SEMA4B: variants seen among roughly 807,000 people sequenced by gnomAD.
The protein encoded by SEMA4B is semaphorin-4B.
In SEMA4B, 55 loss-of-function variants were observed where a neutral mutation model predicts 88.1. The observed-to-expected ratio is 0.62, with a 90% CI of 0.50 to 0.78. The LOEUF (loss-of-function observed/expected upper bound fraction) is 0.78, where lower values mean the gene tolerates loss of function less well. Among genes scored for constraint, SEMA4B ranks in the 30% least tolerant of loss-of-function variants. SEMA4B has a pLI of 0.00. For missense variants in SEMA4B, 1,062 were observed against 1,111.9 expected, an observed-to-expected ratio of 0.96 and a Z score of 0.64; for synonymous variants, 525 against 473.6, an observed-to-expected ratio of 1.11 and a Z score of -1.41.
In SEMA4B at chr15:90,229,373, C is replaced by T; in HGVS notation, c.*730C>T. On this transcript the variant is annotated 3_prime_UTR_variant, in exon 14 of 14. Coordinates refer to ENST00000411539, the MANE Select transcript of SEMA4B (RefSeq NM_198925.4). The stretch of plus-strand genomic sequence containing the variant: ...CAATGTACGCCTTTCCCTCAGAATT[C>T]AGGGAAGAGACTGTCGCCTGCCTTC... 1 of 456,776 alleles carries T rather than the reference C, an allele frequency of 2.2e-6. No homozygotes were observed. Among genetic ancestry groups the T allele is most frequent in the Non-Finnish European group, 4.4e-6 (1 of 226,988 alleles). The allele number at this position is 456,776 out of a possible 1,614,324, so 28.3% of individuals were successfully genotyped here.
chr15:90,221,188 C>A, intron 5 of SEMA4B, 95 bp downstream of exon 5: 1 of 1,139,892 alleles, frequency 8.8e-7, no homozygotes, highest in Non-Finnish European at 1.3e-6. Flanking sequence ...CCATGCCATG[C>A]TTATTTCCAA....
chr15:90,206,033 A>G (rs778690885), intron 1 of SEMA4B, among the ~76,000 whole-genome samples: 4 of 152,334 alleles, frequency 2.6e-5, no homozygotes, highest in African/African-American at 7.2e-5. Flanking sequence ...GTGCCAACCC[A>G]GGAGAGCGCT....
At chr15:90,216,705 G>T (rs1312534276) in intron 1 of SEMA4B, among the ~76,000 whole-genome samples, 1 of 152,180 alleles carries the variant, frequency 6.6e-6, no homozygotes, top group Non-Finnish European at 1.5e-5. Flanking sequence ...TTAGCTGGGT[G>T]TGATGGTGCA....
At position 90,228,237 on chromosome 15, in the gene SEMA4B, G is replaced by C. The variant is rs761071339; in HGVS notation, c.2108G>C (p.Gly703Ala). The C allele has an allele frequency of 1.9e-6, 3 of 1,602,316 alleles. No homozygotes were observed. The Admixed American group carries it at 5.1e-5, about 27-fold the overall frequency. Residue 703 changes from glycine to alanine, a missense_variant, in exon 14 of 14, where the codon GGT becomes GCT. Physicochemically the swap from Gly to Ala is moderately conservative, Grantham distance 60 (BLOSUM62 0). Coordinates refer to ENST00000411539, the MANE Select transcript of SEMA4B (RefSeq NM_198925.4). ...ISTSRVSAPA[G>A]GKASWGADRS... is the part of the protein sequence containing the mutation. The stretch of plus-strand genomic sequence containing the variant: ...ACATCGCGTGTGAGTGCACCAGCTG[G>C]TGGCAAGGCCAGCTGGGGTGCAGAC...
Position 90,223,906 on chromosome 15 carries a change from G to C in SEMA4B, c.1112G>C (p.Ser371Thr). 6.2e-7 allele frequency: 1 copy of C among 1,613,944 alleles called. No individual in the cohort carries two copies. Among genetic ancestry groups the C allele is most frequent in the Non-Finnish European group, 8.5e-7 (1 of 1,179,882 alleles). The change falls in exon 9 of 14, where the codon AGC (serine) becomes ACC (threonine). Residue 371 changes from serine to threonine, a missense_variant. Transcript: ENST00000411539. ...ATGAAGGATGTGCAGAGAGTCTTCA[G>C]CGGCCTCTACAAGGAGGTGAACCGT... ...FTMKDVQRVF[S>T]GLYKEVNRET...
In SEMA4B at chr15:90,229,155, C is replaced by T. The variant is rs1387128145; in HGVS notation, c.*512C>T. ...ATTCAGGACCAGCTTGGGCTGCGTG[C>T]GTTCTGCCTTGCCAGTCAGCCGAGG... is the stretch of plus-strand genomic sequence containing the variant. On this transcript the variant is annotated 3_prime_UTR_variant, in exon 14 of 14. Transcript: ENST00000411539. 4 of 370,864 alleles carry T rather than the reference C, an allele frequency of 1.1e-5. No individual in the cohort carries two copies. The highest frequency in any genetic ancestry group is 2.0e-5 in the South Asian group (1 of 50,424). The allele number at this position is 370,864 out of a possible 1,614,324, so 23.0% of individuals were successfully genotyped here.
chr15:90,222,571 A>G (rs1466379255), intron 7 of SEMA4B, among the ~76,000 whole-genome samples: 1 of 152,022 alleles, frequency 6.6e-6, no homozygotes, highest in Non-Finnish European at 1.5e-5. Flanking sequence ...CTGTCTCAAA[A>G]AAAAAAATGT....
At position 90,229,641 on chromosome 15, in the gene SEMA4B, T is replaced by C. The variant is rs1192639794; in HGVS notation, c.*998T>C. On this transcript the variant is annotated 3_prime_UTR_variant, in exon 14 of 14. Transcript: ENST00000411539. ...CACTTTATGTCATTTTTTAATAAAG[T>C]CTGAAGAATTACTGTTTAATCCTGG... The C allele has an allele frequency of 3.0e-6, 1 of 336,590 alleles. No homozygotes were observed. Among genetic ancestry groups the C allele is most frequent in the African/African-American group, 2.2e-5 (1 of 45,434 alleles). 20.9% of individuals were successfully genotyped at this position (336,590 alleles called of 1,614,324 possible).
At chr15:90,194,759 C>T (rs1960450292) in intron 1 of SEMA4B, among the ~76,000 whole-genome samples, 1 of 152,152 alleles carries the variant, frequency 6.6e-6, no homozygotes, top group Non-Finnish European at 1.5e-5. Flanking sequence ...TACAAAAACA[C>T]CCAATAACTC....
At position 90,223,029 on chromosome 15, in the gene SEMA4B, G is replaced by A. The variant is rs147909026; in HGVS notation, c.862-530G>A. On this transcript the variant is annotated intron_variant, in intron 7 of 13. Coordinates refer to ENST00000411539, the MANE Select transcript of SEMA4B (RefSeq NM_198925.4). The stretch of plus-strand genomic sequence containing the variant: ...TTTGTCATCCAGGCTGGTGTGCAGC[G>A]GTGAGATTTCACTGCAACCTCCGCT... Among the ~76,000 whole-genome samples, 1,145 of 149,724 alleles carry A rather than the reference G, an allele frequency of 7.6e-3. 13 individuals are homozygous for A. Among genetic ancestry groups the A allele is most frequent in the African/African-American group, 0.026 (1,043 of 40,462 alleles).
At position 90,202,152 on chromosome 15, in the gene SEMA4B, A is replaced by G. The variant is rs532185613; in HGVS notation, c.157+417A>G. Among the ~76,000 whole-genome samples the G allele has an allele frequency of 2.0e-4, 30 of 152,344 alleles. No individual in the cohort carries two copies. In the South Asian group the frequency reaches 3.9e-3, roughly 20 times the overall value. On this transcript the variant is annotated intron_variant, in intron 1 of 13. Transcript: ENST00000411539. Reference sequence around the variant, plus strand: ...CACTGGGGTTCTGGTATTCCCAGCAAGTCGCAGCAGGGCCGGGAGCTGTGG... The same window carrying G: ...CACTGGGGTTCTGGTATTCCCAGCAGGTCGCAGCAGGGCCGGGAGCTGTGG...
chr15:90,202,240 C>T (rs1960782287), intron 1 of SEMA4B, among the ~76,000 whole-genome samples: 1 of 152,228 alleles, frequency 6.6e-6, no homozygotes, highest in South Asian at 2.1e-4. Flanking sequence ...CAGTGCAGCC[C>T]CAAGCCCCAG....
chr15:90,221,862 G>A (rs8027952), intron 7 of SEMA4B, 97 bp downstream of exon 7: 1 of 408,572 alleles, frequency 2.4e-6, no homozygotes, highest in Non-Finnish European at 3.3e-6. Context: ...TTCCCATCCC[G>A]CCAAGGAGTA....
At chr15:90,193,485 A>C (rs954741979) in intron 1 of SEMA4B, 11 of 152,292 alleles carry the variant, frequency 7.2e-5, no homozygotes, top group Admixed American at 3.3e-4. Flanking sequence ...GGAAGATGGA[A>C]GTCCTGTCAC....
intron 1 of SEMA4B, among the ~76,000 whole-genome samples, chr15:90,213,399 A>AC (rs1413103588): frequency 6.6e-6 from 1 of 152,088 alleles, no homozygotes; most frequent in African/African-American, 2.4e-5. Flanking sequence ...GGGGCCCTTC[A>AC]CCCCCCTCTC....
intron 1 of SEMA4B, chr15:90,214,914 C>G: frequency 8.8e-7 from 1 of 1,140,602 alleles, no homozygotes. Context: ...TTCTTCATGT[C>G]TCCCCACCCT....
intron 4 of SEMA4B, 124 bp from the exon 5 acceptor site, chr15:90,220,858 C>T (rs1961791455): frequency 4.5e-6 from 3 of 670,424 alleles, no homozygotes; most frequent in Middle Eastern, 3.2e-4. Context: ...CACCTGACCC[C>T]TTCTGTCCCA....
chr15:90,214,986 T>C (rs1961462594), intron 1 of SEMA4B: 2 of 1,274,410 alleles, frequency 1.6e-6, no homozygotes, highest in Non-Finnish European at 2.0e-6. Context: ...TGAAGTCATC[T>C]TCACAGCTGC....
intron 1 of SEMA4B, among the ~76,000 whole-genome samples, chr15:90,215,204 G>T (rs985810767): frequency 6.9e-6 from 1 of 143,988 alleles, no homozygotes; most frequent in Admixed American, 7.0e-5. Flanking sequence ...ACCCTGGTGG[G>T]TAAGTGTGTG....
Sources: allele counts gnomAD v4.1 joint callset (sites outside exome capture counted in the v4.1 genomes callset), GRCh38; gene constraint gnomAD v4.1.1; transcripts MANE v1.5; gene names NCBI Gene and HGNC (gene_info 2026-07-23, HGNC 2026-07-21).